The following MESP1 variants were observed in gnomAD, a reference collection of about 807,000 sequenced individuals.
MESP1 encodes mesoderm posterior bHLH transcription factor 1.
In MESP1, 22 loss-of-function variants were observed where a neutral mutation model predicts 15.2. The ratio of observed to expected loss-of-function variants is 1.45; its 90% confidence interval spans 1.04 to 2.07. MESP1 has a LOEUF of 2.07. Ranked by LOEUF, MESP1 falls within the 30% of genes most tolerant of loss-of-function variation. The pLI is 0.00. For synonymous variants in MESP1, 216 were observed against 192.6 expected, an observed-to-expected ratio of 1.12 and a Z score of -1.01; for missense variants, 484 against 411.9, an observed-to-expected ratio of 1.17 and a Z score of -1.51.
chr15:89,745,471 G>T (rs753728537), downstream of MESP1, among the ~76,000 whole-genome samples: 13 of 152,130 alleles, frequency 8.5e-5, no homozygotes, highest in Middle Eastern at 3.2e-3. This position sits in a 1 kb window ranked among gnomAD's most constrained non-coding sequence, Gnocchi z 4.8. Flanking sequence ...GAAACATCAA[G>T]AACCTGTGTT....
chr15:89,745,948 A>AACACCTCCACACATCC, downstream of MESP1, among the ~76,000 whole-genome samples: 1 of 143,218 alleles, frequency 7.0e-6, no homozygotes, highest in Non-Finnish European at 1.5e-5. The surrounding 1 kb of genome is among the most constrained non-coding windows in gnomAD (Gnocchi z 4.8). Context: ...TCCACACACC[A>AACACCTCCACACATCC]ACACCTCCAC....
At chr15:89,749,475 T>G (rs772972162), downstream of MESP1, 1 of 152,312 alleles carries the variant, frequency 6.6e-6, no homozygotes, top group Non-Finnish European at 1.5e-5. Context: ...GCGCTGGGAC[T>G]CTGGAGGCCT....
chr15:89,739,878 T>G, the MESP1 span, among the ~76,000 whole-genome samples: 1 of 152,184 alleles, frequency 6.6e-6, no homozygotes. Flanking sequence ...TATTTCCCCC[T>G]TTCTCTGTGT....
the MESP1 span, among the ~76,000 whole-genome samples, chr15:89,736,129 T>C: frequency 6.6e-6 from 1 of 152,136 alleles, no homozygotes; most frequent in African/African-American, 2.4e-5. Flanking sequence ...GGTCAGAGAA[T>C]GGGAACAGCA....
chr15:89,747,096 C>CCACATA (rs1413149410), downstream of MESP1, among the ~76,000 whole-genome samples: 2 of 63,666 alleles, frequency 3.1e-5, no homozygotes, highest in Admixed American at 1.4e-4. Context: ...AGCCCCACTG[C>CCACATA]CACATACACA....
chr15:89,741,123 G>A, the MESP1 span, among the ~76,000 whole-genome samples: 2 of 150,726 alleles, frequency 1.3e-5, no homozygotes, highest in African/African-American at 4.9e-5. Context: ...CTGGGCGACA[G>A]AGCAAGAATC....
the MESP1 span, among the ~76,000 whole-genome samples, chr15:89,733,870 C>G: frequency 6.6e-5 from 10 of 152,202 alleles, no homozygotes; most frequent in Non-Finnish European, 1.0e-4. Flanking sequence ...CAACATCCTT[C>G]CCATCCCATA....
At chr15:89,746,506 C>T (rs1455101302), downstream of MESP1, among the ~76,000 whole-genome samples, 1 of 148,372 alleles carries the variant, frequency 6.7e-6, no homozygotes, top group African/African-American at 2.6e-5. Flanking sequence ...CCCGCCTCCA[C>T]ACACACACAC....
At chr15:89,741,568 T>A in the MESP1 span, among the ~76,000 whole-genome samples, 2 of 152,192 alleles carry the variant, frequency 1.3e-5, no homozygotes, top group East Asian at 1.9e-4. Flanking sequence ...CTACTTAGAT[T>A]GGCAGAGTTA....
the MESP1 span, chr15:89,735,479 C>G: frequency 1.7e-5 from 27 of 1,613,742 alleles, no homozygotes; most frequent in Non-Finnish European, 2.3e-5. Flanking sequence ...TGTATATTTT[C>G]TGTCCTATAG....
chr15:89,737,941 C>G, the MESP1 span: 1 of 1,399,526 alleles, frequency 7.1e-7, no homozygotes, highest in Non-Finnish European at 9.7e-7. Flanking sequence ...ATGACCCAGC[C>G]TTTATAAGCA....
At chr15:89,735,482 T>C in the MESP1 span, 1 of 1,614,010 alleles carries the variant, frequency 6.2e-7, no homozygotes, top group South Asian at 1.1e-5. Flanking sequence ...ATATTTTCTG[T>C]CCTATAGGCC....
the MESP1 span, chr15:89,738,030 T>C: frequency 1.3e-6 from 2 of 1,597,872 alleles, no homozygotes; most frequent in Non-Finnish European, 1.7e-6. Context: ...GGTGTTCTTG[T>C]CTCGTCACAG....
the MESP1 span, among the ~76,000 whole-genome samples, chr15:89,741,684 A>T: frequency 6.6e-6 from 1 of 152,222 alleles, no homozygotes; most frequent in Non-Finnish European, 1.5e-5. Context: ...TGAGACAGTG[A>T]AGGAATTTCT....
chr15:89,740,507 G>GTT, the MESP1 span, among the ~76,000 whole-genome samples: 2,898 of 151,908 alleles, frequency 0.019, 104 homozygotes, highest in African/African-American at 0.067. Context: ...TTTTGTTTTT[G>GTT]TTTTTGTTTT....
chr15:89,747,105 C>CAT (rs1366215276), downstream of MESP1, among the ~76,000 whole-genome samples: 10 of 2,956 alleles, frequency 3.4e-3, no homozygotes, highest in African/African-American at 0.01. Flanking sequence ...GCCACATACA[C>CAT]ACACACACAC....
chr15:89,743,211 G>A, the MESP1 span: 7 of 1,359,388 alleles, frequency 5.1e-6, no homozygotes, highest in Non-Finnish European at 7.4e-6. Flanking sequence ...AGGAGCACAG[G>A]GTAGTCGAGG....
the MESP1 span, among the ~76,000 whole-genome samples, chr15:89,735,730 C>T: frequency 6.6e-6 from 1 of 152,218 alleles, no homozygotes; most frequent in African/African-American, 2.4e-5. Context: ...GCACACAGCT[C>T]ATTTGGGAAG....
intron 1 of MESP1, 21 bp from the exon 2 acceptor site, chr15:89,750,248 G>T (rs754374025): frequency 6.2e-7 from 1 of 1,612,798 alleles, no homozygotes; most frequent in Admixed American, 1.7e-5. Context: ...AGACGGAACA[G>T]CGCAGCCCTC....
Sources: gnomAD v4.1 joint callset for allele counts (sites outside exome capture counted in the v4.1 genomes callset) on GRCh38, gnomAD v4.1.1 for gene constraint, Gnocchi (gnomAD v3.1) non-coding constraint, MANE v1.5 for transcripts, NCBI Gene and HGNC (gene_info 2026-07-23, HGNC 2026-07-21) for gene names.